POF1B: variants seen among roughly 807,000 people sequenced by gnomAD.
The protein encoded by POF1B is protein POF1B.
In POF1B, 53 loss-of-function variants were observed where a neutral mutation model predicts 55.3. That is an observed-to-expected ratio of 0.96 (90% CI 0.77 to 1.20). The LOEUF (loss-of-function observed/expected upper bound fraction) is 1.20. Among genes scored for constraint, POF1B ranks in the 50% most tolerant of loss-of-function variants. The probability of loss-of-function intolerance (pLI) is 0.00; values close to 1 mark genes in which losing one functional copy is unlikely to be tolerated. For synonymous variants in POF1B, 188 were observed against 148.3 expected, an observed-to-expected ratio of 1.27 and a Z score of -1.95; for missense variants, 478 against 420.5, an observed-to-expected ratio of 1.14 and a Z score of -1.20.
chrX:85,305,706 T>C (rs1459326231), intron 13 of POF1B, 85 bp downstream of exon 13: 12 of 1,044,212 alleles, frequency 1.1e-5, no homozygotes, highest in Non-Finnish European at 1.5e-5. Context: ...TAATTTTTTC[T>C]GGTAGCTTTA....
intron 16 of POF1B, among the ~76,000 whole-genome samples, chrX:85,279,712 TAATA>T (rs1335625312): frequency 1.8e-5 from 2 of 111,357 alleles, no homozygotes; most frequent in Non-Finnish European, 3.8e-5. Flanking sequence ...AATTGTCTCT[TAATA>T]AATATGGATT....
At chrX:85,378,742 A>G (rs775470440) in intron 2 of POF1B, among the ~76,000 whole-genome samples, 2 of 112,343 alleles carry the variant, frequency 1.8e-5, no homozygotes, top group African/African-American at 3.2e-5. Context: ...ATAATTGCTT[A>G]TCACTCAGAC....
chrX:85,323,361 C>T (rs887642764), intron 7 of POF1B, among the ~76,000 whole-genome samples: 14 of 106,956 alleles, frequency 1.3e-4, no homozygotes, highest in African/African-American at 3.4e-4. Flanking sequence ...AACCAAGCAC[C>T]GCATGTTCTC....
chrX:85,353,894 T>A (rs1426691619), intron 4 of POF1B, among the ~76,000 whole-genome samples: 1 of 111,415 alleles, frequency 9.0e-6, no homozygotes, highest in African/African-American at 3.3e-5. Context: ...CAAGAAGCAG[T>A]AGGAAGTCAA....
intron 6 of POF1B, among the ~76,000 whole-genome samples, chrX:85,333,689 C>T (rs1293924694): frequency 9.0e-6 from 1 of 110,860 alleles, no homozygotes; most frequent in Non-Finnish European, 1.9e-5. Context: ...TAGGAAGAGT[C>T]AGTGTCATCA....
chrX:85,321,514 T>C (rs1932837436), intron 7 of POF1B, among the ~76,000 whole-genome samples: 1 of 109,307 alleles, frequency 9.1e-6, no homozygotes, highest in Non-Finnish European at 1.9e-5. Flanking sequence ...CTGGAAGCAT[T>C]CCCTTTGAAA....
At chrX:85,324,513 G>T (rs1208446344) in intron 7 of POF1B, among the ~76,000 whole-genome samples, 1 of 110,832 alleles carries the variant, frequency 9.0e-6, no homozygotes, top group Non-Finnish European at 1.9e-5. Flanking sequence ...GTTTTTTTCT[G>T]AAATTAGGGT....
intron 4 of POF1B, among the ~76,000 whole-genome samples, chrX:85,355,142 G>A (rs1239140991): frequency 1.8e-5 from 2 of 111,314 alleles, no homozygotes; most frequent in Admixed American, 1.9e-4. Context: ...AGAGCCCTCA[G>A]AAATAATACC....
intron 7 of POF1B, among the ~76,000 whole-genome samples, chrX:85,322,066 C>G (rs1236026979): frequency 2.7e-5 from 3 of 111,161 alleles, no homozygotes; most frequent in Non-Finnish European, 5.7e-5. Flanking sequence ...CTACCAATGA[C>G]TTTCTTCACA....
intron 16 of POF1B, among the ~76,000 whole-genome samples, chrX:85,281,323 G>A (rs1010145693): frequency 5.4e-5 from 6 of 110,591 alleles, no homozygotes; most frequent in African/African-American, 1.6e-4. Flanking sequence ...ATATTATGCC[G>A]ATAAGGGACT....
intron 7 of POF1B, among the ~76,000 whole-genome samples, chrX:85,317,827 C>T (rs1301206913): frequency 7.2e-5 from 8 of 111,483 alleles, no homozygotes; most frequent in African/African-American, 9.8e-5. Context: ...CCTAAATGCC[C>T]GTCAGTGATA....
At chrX:85,320,161 G>GTGT (rs1932822634) in intron 7 of POF1B, among the ~76,000 whole-genome samples, 1 of 111,034 alleles carries the variant, frequency 9.0e-6, no homozygotes, top group African/African-American at 3.3e-5. Flanking sequence ...GTGCATAAGG[G>GTGT]TGTTTGTAAT....
intron 15 of POF1B, among the ~76,000 whole-genome samples, chrX:85,287,963 C>A (rs180695025): frequency 5.1e-4 from 57 of 111,656 alleles, no homozygotes; most frequent in African/African-American, 1.5e-3. Flanking sequence ...ATCATTGTAA[C>A]AGATCAAACA....
At chrX:85,303,639 C>T (rs1208825821) in intron 14 of POF1B, 151 bp from the exon 15 acceptor site, 1 of 412,702 alleles carries the variant, frequency 2.4e-6, no homozygotes, top group Non-Finnish European at 4.2e-6. Flanking sequence ...TCTAATCCCA[C>T]TTGTTGAATA....
chrX:85,335,161 G>A (rs1205174397), intron 6 of POF1B, among the ~76,000 whole-genome samples: 1 of 110,833 alleles, frequency 9.0e-6, no homozygotes, highest in Non-Finnish European at 1.9e-5. Flanking sequence ...CGCTTAAAAT[G>A]CCATGTTATG....
intron 9 of POF1B, among the ~76,000 whole-genome samples, chrX:85,312,892 T>A (rs777249327): frequency 1.3e-4 from 14 of 111,584 alleles, no homozygotes; most frequent in Non-Finnish European, 2.4e-4. Flanking sequence ...GTCCTTCACA[T>A]CCCTTATAAG....
chrX:85,314,757 G>A (rs1932769809), intron 8 of POF1B, among the ~76,000 whole-genome samples: 1 of 111,855 alleles, frequency 8.9e-6, no homozygotes. Flanking sequence ...GGCAACCAAT[G>A]AGAAGTTCCA....
chrX:85,343,754 T>C (rs1310086392), intron 6 of POF1B, among the ~76,000 whole-genome samples: 1 of 110,923 alleles, frequency 9.0e-6, no homozygotes, highest in African/African-American at 3.3e-5. Context: ...GTCTGCTTTC[T>C]ATCACCAATA....
intron 9 of POF1B, among the ~76,000 whole-genome samples, chrX:85,313,352 C>G (rs891309865): frequency 3.0e-4 from 34 of 111,796 alleles, no homozygotes; most frequent in Non-Finnish European, 4.3e-4. Context: ...TACATCCCAT[C>G]AATACCTAGT....
Sources: gnomAD v4.1 joint callset for allele counts (sites outside exome capture counted in the v4.1 genomes callset) on GRCh38, gnomAD v4.1.1 for gene constraint, MANE v1.5 for transcripts, NCBI Gene and HGNC (gene_info 2026-07-23, HGNC 2026-07-21) for gene names.